The following PTPN3 variants were observed in gnomAD, a reference collection of about 807,000 sequenced individuals.
PTPN3 encodes the protein tyrosine-protein phosphatase non-receptor type 3.
PTPN3 carries 96 observed loss-of-function variants against 132.7 expected under a neutral mutation model. That is an observed-to-expected ratio of 0.72 (90% CI 0.61 to 0.86). The LOEUF (loss-of-function observed/expected upper bound fraction) is 0.86, where lower values mean the gene tolerates loss of function less well. Ranked by LOEUF, PTPN3 falls within the 40% of genes least tolerant of loss-of-function variation. PTPN3 has a pLI of 0.00. For missense variants in PTPN3, 1,125 were observed against 1,159.6 expected (o/e 0.97, Z 0.43); for synonymous variants, 398 against 429.0 (o/e 0.93, Z 0.89).
At chr9:109,445,174 G>C in intron 7 of PTPN3, 66 bp downstream of exon 7, 2 of 1,511,088 alleles carry the variant, frequency 1.3e-6, no homozygotes, top group Non-Finnish European at 1.8e-6. Context: ...GGAGGAACCA[G>C]TGACTTTCTC....
At chr9:109,420,272 T>G (rs1842798994) in intron 14 of PTPN3, 152 bp downstream of exon 14, 1 of 742,840 alleles carries the variant, frequency 1.3e-6, no homozygotes, top group African/African-American at 1.8e-5. Flanking sequence ...AGGTAGAGTC[T>G]GATTTATGTT....
At chr9:109,417,284 C>T (rs950554368) in intron 14 of PTPN3, among the ~76,000 whole-genome samples, 1 of 152,232 alleles carries the variant, frequency 6.6e-6, no homozygotes, top group African/African-American at 2.4e-5. Context: ...GCCTGAGCTG[C>T]GCCACTCTGG....
At chr9:109,437,078 T>C in intron 8 of PTPN3, 108 bp from the exon 9 acceptor site, 3 of 1,495,772 alleles carry the variant, frequency 2.0e-6, no homozygotes, top group Non-Finnish European at 2.7e-6. Context: ...GGTTATTAAA[T>C]GCCTTATGTT....
the PTPN3 span, among the ~76,000 whole-genome samples, chr9:109,528,435 G>A: frequency 6.6e-6 from 1 of 152,096 alleles, no homozygotes; most frequent in Non-Finnish European, 1.5e-5. Flanking sequence ...GCAATGAAGA[G>A]TACCGATCTC....
intron 1 of PTPN3, among the ~76,000 whole-genome samples, chr9:109,477,922 G>A (rs1846765093): frequency 6.6e-6 from 1 of 152,218 alleles, no homozygotes; most frequent in Admixed American, 6.5e-5. Context: ...ACCTTTCGGG[G>A]CACATGCACT....
intron 7 of PTPN3, among the ~76,000 whole-genome samples, chr9:109,440,271 G>C (rs1400876614): frequency 6.6e-6 from 1 of 152,250 alleles, no homozygotes; most frequent in Non-Finnish European, 1.5e-5. Flanking sequence ...ATGTGGCCAA[G>C]CTGTGGAAAG....
chr9:109,530,850 G>A, the PTPN3 span, among the ~76,000 whole-genome samples: 19 of 152,102 alleles, frequency 1.2e-4, no homozygotes, highest in Non-Finnish European at 2.6e-4. Flanking sequence ...GTCCTTATTG[G>A]CTATTGATAT....
chr9:109,463,344 A>G lies in PTPN3; in HGVS notation c.91T>C (p.Cys31Arg). ...ACGCCATCTAAAAAGTGGATGCTGC[A>G]AATGACTTCTGATCGAGTTTTCTCT... The part of the protein sequence containing the change: ...PKEKTRSEVI[C>R]SIHFLDGVVQ... Residue 31 changes from cysteine (C) to arginine (R), a missense_variant, in exon 2 of 26, where the codon TGC (cysteine) becomes CGC (arginine). By Grantham distance (180) the Cys-to-Arg change is radical (BLOSUM62 -3). Transcript: ENST00000374541. 1.9e-6 allele frequency: 3 copies of G among 1,613,946 alleles called. No individual in the cohort carries two copies. The highest frequency in any genetic ancestry group is 2.5e-6 in the Non-Finnish European group (3 of 1,179,978).
At chr9:109,425,173 T>G (rs1204545936) in intron 12 of PTPN3, among the ~76,000 whole-genome samples, 2 of 152,200 alleles carry the variant, frequency 1.3e-5, no homozygotes, top group Non-Finnish European at 2.9e-5. Flanking sequence ...TCACTCTTGG[T>G]TCATCAGAAG....
chr9:109,395,079 G>A (rs1321508661), intron 19 of PTPN3, among the ~76,000 whole-genome samples: 1 of 151,554 alleles, frequency 6.6e-6, no homozygotes, highest in African/African-American at 2.4e-5. Flanking sequence ...GGCAGAGCTT[G>A]CAGTGAGCCG....
rs1157867618 is a variant in PTPN3 at position 109,378,451 on chromosome 9, G to T, written c.*1105C>A. The T allele has an allele frequency of 1.3e-5, 2 of 152,644 alleles. No homozygotes were observed. The highest frequency in any genetic ancestry group is 2.9e-5 in the Non-Finnish European group (2 of 68,040). The allele number at this position is 152,644 out of a possible 1,614,324, so 9.5% of individuals were successfully genotyped here. A position where few individuals can be genotyped will look rare whatever the true frequency, so the allele number is the denominator to read the frequency against. On this transcript the variant is annotated 3_prime_UTR_variant, in exon 26 of 26. Transcript: ENST00000374541. Reference sequence around the variant, plus strand: ...AATGGAGACCATTGTGACTGGGGGTGAATGCACACATTTGTTCTTCCATAC... The same window carrying T: ...AATGGAGACCATTGTGACTGGGGGTTAATGCACACATTTGTTCTTCCATAC...
intron 1 of PTPN3, among the ~76,000 whole-genome samples, chr9:109,485,465 G>A (rs1245203477): frequency 1.3e-5 from 2 of 152,092 alleles, no homozygotes; most frequent in Non-Finnish European, 2.9e-5. Context: ...CCGAGATTGC[G>A]CCACTGCACT....
rs1318826839 is a variant in PTPN3 at position 109,454,509 on chromosome 9, G to A, written c.355C>T (p.Gln119Ter). ...FFIPDPNTLQ[Q>*]EQTRHLYFLQ... ...AAATGTTGTTACCTGGTTTGTTCTTGCTGCAGTGTGTTGGGATCAGGTATA... is the reference window on the plus strand; with the variant it reads ...AAATGTTGTTACCTGGTTTGTTCTTACTGCAGTGTGTTGGGATCAGGTATA... Residue 119 changes from glutamine (Q) to a stop codon, truncating the protein, a stop_gained, in exon 5 of 26, where the codon CAA (glutamine) becomes TAA (stop). Transcript: ENST00000374541. LOFTEE classifies it high-confidence loss of function. The A allele has an allele frequency of 1.2e-6, 2 of 1,612,686 alleles. No homozygotes were observed. Among genetic ancestry groups the A allele is most frequent in the Non-Finnish European group, 1.7e-6 (2 of 1,179,524 alleles).
chr9:109,449,869 T>C (rs1405412131), intron 5 of PTPN3: 1 of 985,434 alleles, frequency 1.0e-6, no homozygotes, highest in Non-Finnish European at 1.2e-6. Context: ...CTTTTTGAGA[T>C]GGGAATGCTT....
chr9:109,406,030 C>T (rs767961148), intron 18 of PTPN3, among the ~76,000 whole-genome samples: 2 of 152,182 alleles, frequency 1.3e-5, no homozygotes, highest in Non-Finnish European at 2.9e-5. Context: ...AGGAATCACC[C>T]GAGACAGTCA....
the PTPN3 span, among the ~76,000 whole-genome samples, chr9:109,531,081 A>G: frequency 6.6e-6 from 1 of 152,156 alleles, no homozygotes; most frequent in African/African-American, 2.4e-5. Flanking sequence ...ACAAAGCCCA[A>G]TTTGTCTATT....
chr9:109,457,963 C>T (rs914086921), intron 2 of PTPN3, among the ~76,000 whole-genome samples: 4 of 152,248 alleles, frequency 2.6e-5, no homozygotes, highest in African/African-American at 7.2e-5. Flanking sequence ...TTCCCCTTCC[C>T]ATCATCTGAA....
At chr9:109,525,105 G>C in the PTPN3 span, among the ~76,000 whole-genome samples, 1 of 151,944 alleles carries the variant, frequency 6.6e-6, no homozygotes, top group Admixed American at 6.6e-5. Context: ...AGGTGCAGTG[G>C]CATGATCATG....
chr9:109,434,144 T>A (rs1843864023), intron 9 of PTPN3, among the ~76,000 whole-genome samples: 1 of 152,168 alleles, frequency 6.6e-6, no homozygotes, highest in South Asian at 2.1e-4. Flanking sequence ...GGTTTTTGTG[T>A]GTTTGGTTTT....
Sources: gnomAD v4.1 joint callset for allele counts (sites outside exome capture counted in the v4.1 genomes callset) on GRCh38, gnomAD v4.1.1 for gene constraint, MANE v1.5 for transcripts, NCBI Gene and HGNC (gene_info 2026-07-23, HGNC 2026-07-21) for gene names.